DBX2: variants seen among roughly 807,000 people sequenced by gnomAD.
DBX2 encodes homeobox protein DBX2.
DBX2 carries 16 observed loss-of-function variants against 17.7 expected under a neutral mutation model. That is an observed-to-expected ratio of 0.90 (90% CI 0.61 to 1.37). DBX2 has a LOEUF of 1.37. Among genes scored for constraint, DBX2 ranks in the 40% most tolerant of loss-of-function variants. The pLI is 0.00. For synonymous variants in DBX2, 255 were observed against 183.8 expected (o/e 1.39, Z -3.13); for missense variants, 538 against 433.8 (o/e 1.24, Z -2.13).
chr12:45,044,965 A>G (rs977148779), intron 1 of DBX2, among the ~76,000 whole-genome samples: 2 of 152,174 alleles, frequency 1.3e-5, no homozygotes, highest in African/African-American at 4.8e-5. Context: ...AAAGTAAAAT[A>G]AAACATTTTG....
chr12:45,027,399 G>T (rs1946387026), intron 2 of DBX2, among the ~76,000 whole-genome samples: 1 of 152,118 alleles, frequency 6.6e-6, no homozygotes, highest in South Asian at 2.1e-4. Context: ...CAAATTAGTG[G>T]CTCTTTCCTC....
intron 3 of DBX2, among the ~76,000 whole-genome samples, chr12:45,017,759 GAAA>G (rs887047591): frequency 8.5e-5 from 13 of 152,134 alleles, no homozygotes; most frequent in African/African-American, 3.1e-4. Flanking sequence ...TGCCTGAGCT[GAAA>G]ACTTCACAAC....
intron 1 of DBX2, among the ~76,000 whole-genome samples, chr12:45,038,466 T>C (rs1472597641): frequency 1.3e-5 from 2 of 151,626 alleles, no homozygotes; most frequent in Non-Finnish European, 3.0e-5. Context: ...ATCATACTAC[T>C]GATATCATTA....
chr12:45,026,008 G>A (rs998997131), intron 2 of DBX2, among the ~76,000 whole-genome samples: 10 of 151,944 alleles, frequency 6.6e-5, no homozygotes, highest in Admixed American at 3.9e-4. Flanking sequence ...TATCCAGCCT[G>A]CAAATGGGCT....
intron 2 of DBX2, 74 bp downstream of exon 2, chr12:45,035,945 C>G (rs1012437894): frequency 1.4e-6 from 2 of 1,409,756 alleles, no homozygotes; most frequent in African/African-American, 1.4e-5. Flanking sequence ...AATTAGTTTT[C>G]CAGAGCACAT....
intron 2 of DBX2, among the ~76,000 whole-genome samples, chr12:45,032,971 A>G (rs1946417986): frequency 1.3e-5 from 2 of 152,228 alleles, no homozygotes; most frequent in East Asian, 1.9e-4. Context: ...TTGCGGTTGT[A>G]ATATCAAAGA....
chr12:45,048,073 G>C (rs1218518896), intron 1 of DBX2, among the ~76,000 whole-genome samples: 2 of 152,168 alleles, frequency 1.3e-5, no homozygotes, highest in African/African-American at 4.8e-5. Flanking sequence ...GAGACACTCA[G>C]TAAGCATGTG....
Position 45,050,526 on chromosome 12 carries a change from T to C in DBX2, c.402A>G (p.Pro134=), listed in dbSNP as rs527286290. Residue 134 remains proline, a splice_region_variant and synonymous_variant, in exon 1 of 4, where the codon CCA becomes CCG. Transcript: ENST00000332700. Reference sequence around the variant, plus strand: ...GGAGGGAGGGGAGAGCTGGCTCACCTGGCGCTGAAGGCTGGAAGGTACAGT... The same window carrying C: ...GGAGGGAGGGGAGAGCTGGCTCACCCGGCGCTGAAGGCTGGAAGGTACAGT... ...DRDCTFQPSA[P]APSKPFLLST... 3 of 1,548,222 alleles carry C rather than the reference T, an allele frequency of 1.9e-6. No individual in the cohort carries two copies. Among genetic ancestry groups the C allele is most frequent in the South Asian group, 2.4e-5 (2 of 84,094 alleles).
intron 1 of DBX2, among the ~76,000 whole-genome samples, chr12:45,048,466 C>G (rs1353114468): frequency 2.0e-5 from 3 of 152,154 alleles, no homozygotes; most frequent in South Asian, 2.1e-4. Flanking sequence ...ATTTCATCCT[C>G]ACCTAATTTC....
chr12:45,050,524 C>G lies in DBX2; in HGVS notation c.403+1G>C. ...GGGGAGGGAGGGGAGAGCTGGCTCA[C>G]CTGGCGCTGAAGGCTGGAAGGTACA... On this transcript the variant is annotated splice_donor_variant, in intron 1 of 3. Transcript: ENST00000332700. LOFTEE classifies it high-confidence loss of function. 1.3e-6 allele frequency: 2 copies of G among 1,549,996 alleles called. No individual in the cohort carries two copies. Among genetic ancestry groups the G allele is most frequent in the Non-Finnish European group, 1.7e-6 (2 of 1,147,790 alleles).
intron 3 of DBX2, among the ~76,000 whole-genome samples, chr12:45,022,816 C>A (rs1395320655): frequency 6.6e-6 from 1 of 152,156 alleles, no homozygotes; most frequent in Admixed American, 6.5e-5. Context: ...TCCCTTTTGG[C>A]CAGACGCCTT....
chr12:45,035,198 G>A (rs1310426484), intron 2 of DBX2, among the ~76,000 whole-genome samples: 1 of 152,246 alleles, frequency 6.6e-6, no homozygotes, highest in Non-Finnish European at 1.5e-5. Flanking sequence ...ACAAGAGCCT[G>A]ACTCAACTCT....
At chr12:45,040,460 T>C (rs76383049) in intron 1 of DBX2, among the ~76,000 whole-genome samples, 4,481 of 152,238 alleles carry the variant, frequency 0.029, 219 homozygotes, top group African/African-American at 0.099. Context: ...CCAATTTCTG[T>C]GTGAAACTGT....
rs1050410790 is a variant in DBX2, at chr12:45,049,783, G to C, written c.403+742C>G. Among the ~76,000 whole-genome samples the C allele has an allele frequency of 2.6e-5, 4 of 151,936 alleles. No individual in the cohort carries two copies. In the East Asian group the frequency reaches 7.7e-4, roughly 29 times the overall value. ...TTTGCTAATATTTGACTAAATTGTC[G>C]GCATCCTTCTTCCCAGTCCCACTAG... is the stretch of plus-strand genomic sequence containing the variant. On this transcript the variant is annotated intron_variant, in intron 1 of 3. Transcript: ENST00000332700.
At chr12:45,025,695 A>G (rs1233334531) in intron 2 of DBX2, among the ~76,000 whole-genome samples, 1 of 147,076 alleles carries the variant, frequency 6.8e-6, no homozygotes, top group Non-Finnish European at 1.5e-5. Flanking sequence ...GGCAGCTACT[A>G]TGCATTCTGG....
At chr12:45,018,088 G>T (rs145427114) in intron 3 of DBX2, among the ~76,000 whole-genome samples, 1 of 152,248 alleles carries the variant, frequency 6.6e-6, no homozygotes, top group Non-Finnish European at 1.5e-5. Context: ...ACAACACCAT[G>T]ATTAAGGCTT....
chr12:45,043,371 G>A (rs1946482256), intron 1 of DBX2, among the ~76,000 whole-genome samples: 1 of 152,178 alleles, frequency 6.6e-6, no homozygotes, highest in Non-Finnish European at 1.5e-5. Context: ...GTAAGAAACT[G>A]CAAGGCTTCA....
chr12:45,035,958 A>G, intron 2 of DBX2, 61 bp downstream of exon 2: 1 of 1,499,078 alleles, frequency 6.7e-7, no homozygotes, highest in Non-Finnish European at 9.1e-7. Context: ...GAGCACATTA[A>G]ATCCTGCAGC....
rs565742499 is a variant in DBX2 at position 45,032,743 on chromosome 12, A to G, written c.499+3276T>C. On this transcript the variant is annotated intron_variant, in intron 2 of 3. Coordinates refer to ENST00000332700, the MANE Select transcript of DBX2 (RefSeq NM_001004329.3). ...GCTCAAATCTTTATAATGCTGCTCC[A>G]AATTTAACCTTTGTCTTTTAAGGCA... 6.6e-5 allele frequency among the ~76,000 whole-genome samples: 10 copies of G among 152,334 alleles called. No individual in the cohort carries two copies. In the East Asian group the frequency reaches 1.9e-3, roughly 29 times the overall value.
Sources: gnomAD v4.1 joint callset for allele counts (sites outside exome capture counted in the v4.1 genomes callset) on GRCh38, gnomAD v4.1.1 for gene constraint, MANE v1.5 for transcripts, NCBI Gene and HGNC (gene_info 2026-07-23, HGNC 2026-07-21) for gene names.